Variants in USH2A observed in about 807,000 individuals in gnomAD.
USH2A encodes the protein usherin.
A neutral mutation model predicts 538.9 loss-of-function variants in USH2A; 443 were observed. That is an observed-to-expected ratio of 0.82 (90% CI 0.76 to 0.89). The LOEUF (loss-of-function observed/expected upper bound fraction) is 0.89, where lower values mean the gene tolerates loss of function less well. Ranked by LOEUF, USH2A falls within the 40% of genes least tolerant of loss-of-function variation. The probability of loss-of-function intolerance (pLI) is 0.00; values close to 1 mark genes in which losing one functional copy is unlikely to be tolerated. For missense variants in USH2A, 6,633 were observed against 6,324.8 expected (o/e 1.05, Z -1.65); for synonymous variants, 2,413 against 2,273.5 (o/e 1.06, Z -1.75).
chr1:215,827,566 T>G (rs1663190145), intron 47 of USH2A, among the ~76,000 whole-genome samples: 2 of 152,190 alleles, frequency 1.3e-5, no homozygotes, highest in Admixed American at 6.5e-5. Flanking sequence ...AAACAGAATG[T>G]GATAATCAGA....
At chr1:215,953,125 A>C (rs1666965754) in intron 37 of USH2A, among the ~76,000 whole-genome samples, 1 of 152,114 alleles carries the variant, frequency 6.6e-6, no homozygotes, top group African/African-American at 2.4e-5. Flanking sequence ...ATATTGTGAA[A>C]ATGGCCATAC....
At chr1:216,008,143 T>G (rs1223135811) in intron 32 of USH2A, among the ~76,000 whole-genome samples, 1 of 152,204 alleles carries the variant, frequency 6.6e-6, no homozygotes, top group Non-Finnish European at 1.5e-5. Flanking sequence ...ATGTCGTCAC[T>G]GTCAGGCCTC....
At chr1:216,297,891 T>C (rs746270094) in intron 9 of USH2A, among the ~76,000 whole-genome samples, 5 of 152,152 alleles carry the variant, frequency 3.3e-5, no homozygotes, top group African/African-American at 1.2e-4. Context: ...ATGTTCTAAT[T>C]GGATAAATGA....
At chr1:216,374,395 T>C (rs981229464) in intron 3 of USH2A, among the ~76,000 whole-genome samples, 3 of 152,134 alleles carry the variant, frequency 2.0e-5, no homozygotes, top group Non-Finnish European at 4.4e-5. Context: ...TGGGTTTGTC[T>C]AATTTTTCCT....
chr1:216,362,467 A>T (rs1009047978), intron 4 of USH2A, among the ~76,000 whole-genome samples: 2 of 152,176 alleles, frequency 1.3e-5, no homozygotes, highest in Non-Finnish European at 2.9e-5. Context: ...GGAAACAAGT[A>T]CTTGGCTATA....
intron 32 of USH2A, among the ~76,000 whole-genome samples, chr1:216,013,529 G>C (rs1668628824): frequency 6.6e-6 from 1 of 152,082 alleles, no homozygotes; most frequent in Admixed American, 6.6e-5. Flanking sequence ...CAGATGGCCG[G>C]TTCCTGCCTT....
intron 46 of USH2A, among the ~76,000 whole-genome samples, chr1:215,843,728 A>C (rs1663758561): frequency 2.0e-5 from 3 of 152,204 alleles, no homozygotes; most frequent in African/African-American, 7.2e-5. Context: ...TCACCTTCAG[A>C]TAAAACCTTT....
At chr1:215,883,131 T>C (rs1664959466) in intron 41 of USH2A, among the ~76,000 whole-genome samples, 1 of 152,168 alleles carries the variant, frequency 6.6e-6, no homozygotes, top group African/African-American at 2.4e-5. Context: ...CTTGACTTTA[T>C]GTGAGGTATG....
rs1553318102 is a variant in USH2A, at chr1:216,231,249, T to TATTA, written c.2993+703_2993+704insTAAT. Among the ~76,000 whole-genome samples the TATTA allele has an allele frequency of 4.5e-4, 38 of 83,746 alleles. 1 individual carries two copies. The highest frequency in any genetic ancestry group is 1.0e-3 in the African/African-American group (22 of 21,946). The allele number at this position is 83,746 out of a possible 152,430, so 54.9% of individuals were successfully genotyped here. A position where few individuals can be genotyped will look rare whatever the true frequency, so the allele number is the denominator to read the frequency against. On this transcript the variant is annotated intron_variant, in intron 14 of 71. Coordinates refer to ENST00000307340, the MANE Select transcript of USH2A (RefSeq NM_206933.4). ...CATATATCCCATATATATATATATA[T>TATTA]TATATATATAATATATATATATAAT...
chr1:216,247,260 G>A, intron 12 of USH2A, 34 bp from the exon 13 acceptor site: 2 of 1,611,090 alleles, frequency 1.2e-6, no homozygotes, highest in Non-Finnish European at 1.7e-6. Context: ...GGTGAGGATG[G>A]GAAAATGATT....
At chr1:216,140,898 T>C (rs552592229) in intron 21 of USH2A, among the ~76,000 whole-genome samples, 21 of 152,326 alleles carry the variant, frequency 1.4e-4, no homozygotes, top group African/African-American at 4.3e-4. Context: ...CAGCTAGTTT[T>C]TCCTTCAAGT....
At chr1:216,199,129 AT>A (rs1157510888) in intron 17 of USH2A, among the ~76,000 whole-genome samples, 5 of 152,256 alleles carry the variant, frequency 3.3e-5, no homozygotes, top group African/African-American at 4.8e-5. Context: ...GATATAAATG[AT>A]TAAAAATCTG....
At chr1:216,231,610 G>A (rs2035695538) in intron 14 of USH2A, among the ~76,000 whole-genome samples, 2 of 151,350 alleles carry the variant, frequency 1.3e-5, no homozygotes, top group African/African-American at 2.4e-5. Flanking sequence ...GTACAGTGGC[G>A]CGATCTCGGC....
At chr1:216,351,812 T>C (rs949638151) in intron 4 of USH2A, among the ~76,000 whole-genome samples, 1 of 151,704 alleles carries the variant, frequency 6.6e-6, no homozygotes, top group African/African-American at 2.4e-5. Flanking sequence ...TATATTTTGA[T>C]TCTAACACCA....
At chr1:216,317,200 A>C (rs1199896567) in intron 9 of USH2A, among the ~76,000 whole-genome samples, 2 of 152,192 alleles carry the variant, frequency 1.3e-5, no homozygotes, top group Non-Finnish European at 2.9e-5. Context: ...TTGACCCAGC[A>C]ATCCCATTAC....
intron 58 of USH2A, among the ~76,000 whole-genome samples, chr1:215,747,883 TTTGTTTGG>T (rs1487802561): frequency 3.1e-5 from 4 of 127,036 alleles, no homozygotes; most frequent in Non-Finnish European, 3.5e-5. Flanking sequence ...TGTTTGTTTG[TTTGTTTGG>T]TTTTTTTTTT....
At chr1:215,867,902 T>A (rs985758959) in intron 43 of USH2A, among the ~76,000 whole-genome samples, 6 of 152,194 alleles carry the variant, frequency 3.9e-5, no homozygotes, top group Admixed American at 6.5e-5. Context: ...CATTTTTTTT[T>A]AACCAGTTTT....
At chr1:215,627,489 C>CTTCCTTCCTTCCTTCT (rs1558027670) in intron 71 of USH2A, among the ~76,000 whole-genome samples, 1 of 141,862 alleles carries the variant, frequency 7.0e-6, no homozygotes, top group Non-Finnish European at 1.5e-5. Flanking sequence ...TCCTTCTTTC[C>CTTCCTTCCTTCCTTCT]TTCCTTCCTT....
chr1:216,324,039 A>T (rs2037674295), intron 7 of USH2A, 129 bp downstream of exon 7: 1 of 1,015,830 alleles, frequency 9.8e-7, no homozygotes, highest in Non-Finnish European at 1.4e-6. Flanking sequence ...TAGGGATAAG[A>T]CTTAGGAGAA....
Sources: gnomAD v4.1 joint callset for allele counts (sites outside exome capture counted in the v4.1 genomes callset) on GRCh38, gnomAD v4.1.1 for gene constraint, MANE v1.5 for transcripts, NCBI Gene and HGNC (gene_info 2026-07-23, HGNC 2026-07-21) for gene names.